Variants in RBFOX1 observed in about 807,000 individuals in gnomAD.
RBFOX1 encodes the protein RNA binding protein fox-1 homolog 1.
Under a neutral mutation model 57.7 loss-of-function variants are expected in RBFOX1, and 8 were observed. The observed-to-expected ratio is 0.14, with a 90% CI of 0.08 to 0.25. The LOEUF (loss-of-function observed/expected upper bound fraction) is 0.25, where lower values mean the gene tolerates loss of function less well. Among genes scored for constraint, RBFOX1 ranks in the 10% least tolerant of loss-of-function variants. The pLI, the probability that RBFOX1 is intolerant of heterozygous loss-of-function variation, is 1.00. For synonymous variants in RBFOX1, 326 were observed against 222.4 expected, an observed-to-expected ratio of 1.47 and a Z score of -4.15; for missense variants, 611 against 548.5, an observed-to-expected ratio of 1.11 and a Z score of -1.14.
intron 4 of RBFOX1, among the ~76,000 whole-genome samples, chr16:7,149,397 TG>T: frequency 6.6e-6 from 1 of 152,228 alleles, no homozygotes; most frequent in African/African-American, 2.4e-5. Flanking sequence ...CCATTCCCAC[TG>T]GTGAGAGACT....
At position 6,019,808 on chromosome 16, in the gene RBFOX1, C is replaced by T; in HGVS notation, c.-311C>T. The T allele has an allele frequency of 6.7e-7, 1 of 1,496,344 alleles. No homozygotes were observed. The highest frequency in any genetic ancestry group is 8.9e-7 in the Non-Finnish European group (1 of 1,122,578). The allele number at this position is 1,496,344 out of a possible 1,614,324, so 92.7% of individuals were successfully genotyped here. On this transcript the variant is annotated 5_prime_UTR_variant, in exon 1 of 16. Coordinates refer to ENST00000550418, the MANE Select transcript of RBFOX1 (RefSeq NM_018723.4). This position sits in a 1 kb window ranked among gnomAD's most constrained non-coding sequence, Gnocchi z 4.2. Reference sequence around the variant, plus strand: ...CCGCCTGTCCGGACCCTCGCCGCGCCCAGGCAGGCGCGCCAGGGCGGGGCT... The same window carrying T: ...CCGCCTGTCCGGACCCTCGCCGCGCTCAGGCAGGCGCGCCAGGGCGGGGCT...
At chr16:5,844,135 G>A (rs1434122730) in intron 3 of RBFOX1, among the ~76,000 whole-genome samples, 1 of 152,188 alleles carries the variant, frequency 6.6e-6, no homozygotes, top group Non-Finnish European at 1.5e-5. Context: ...AAAGCTTAGT[G>A]TTTTGGAGTA....
At chr16:5,593,689 T>C (rs1383100092) in intron 2 of RBFOX1, among the ~76,000 whole-genome samples, 1 of 152,082 alleles carries the variant, frequency 6.6e-6, no homozygotes, top group Non-Finnish European at 1.5e-5. Flanking sequence ...GCATGAATAA[T>C]CCATCCCTTG....
chr16:5,763,709 G>A (rs2053669141), intron 3 of RBFOX1, among the ~76,000 whole-genome samples: 1 of 152,214 alleles, frequency 6.6e-6, no homozygotes, highest in Non-Finnish European at 1.5e-5. Context: ...CCAACGATCA[G>A]CAGGTCGAGG....
At chr16:6,689,699 C>T (rs1482479926) in intron 3 of RBFOX1, among the ~76,000 whole-genome samples, 1 of 152,128 alleles carries the variant, frequency 6.6e-6, no homozygotes, top group Non-Finnish European at 1.5e-5. Flanking sequence ...GGTGACATGT[C>T]CGTCATTCAT....
intron 3 of RBFOX1, among the ~76,000 whole-genome samples, chr16:6,913,232 T>C (rs2072171532): frequency 6.6e-6 from 1 of 152,172 alleles, no homozygotes; most frequent in African/African-American, 2.4e-5. Flanking sequence ...GAAATTATTA[T>C]CTGTCCACCT....
intron 4 of RBFOX1, among the ~76,000 whole-genome samples, chr16:5,994,571 G>T (rs1240429759): frequency 1.3e-5 from 2 of 152,170 alleles, no homozygotes; most frequent in African/African-American, 4.8e-5. Flanking sequence ...GCTTGGCAAG[G>T]TTCAGAGAAT....
intron 2 of RBFOX1, among the ~76,000 whole-genome samples, chr16:6,594,784 G>A (rs372675744): frequency 6.6e-6 from 1 of 151,956 alleles, no homozygotes; most frequent in Non-Finnish European, 1.5e-5. Flanking sequence ...GTACACTTCA[G>A]TGTTTTTTGT....
At chr16:5,855,895 C>G (rs2057014216) in intron 3 of RBFOX1, among the ~76,000 whole-genome samples, 1 of 147,702 alleles carries the variant, frequency 6.8e-6, no homozygotes, top group Admixed American at 6.8e-5. Flanking sequence ...TTTCCTTCAT[C>G]AATATTTTAT....
intron 2 of RBFOX1, among the ~76,000 whole-genome samples, chr16:6,400,398 A>G (rs2093020488): frequency 6.6e-6 from 1 of 152,198 alleles, no homozygotes; most frequent in Admixed American, 6.5e-5. Context: ...AGTATTTTGG[A>G]CTGAATGATG....
intron 2 of RBFOX1, among the ~76,000 whole-genome samples, chr16:6,486,932 C>T (rs42385): frequency 2.0e-5 from 3 of 151,818 alleles, no homozygotes; most frequent in African/African-American, 4.8e-5. Flanking sequence ...GATTTAGGAT[C>T]CCTGCTGAAC....
At chr16:7,343,318 A>T (rs2096932989) in intron 4 of RBFOX1, among the ~76,000 whole-genome samples, 1 of 152,148 alleles carries the variant, frequency 6.6e-6, no homozygotes, top group Non-Finnish European at 1.5e-5. Flanking sequence ...GTTCCCCCAA[A>T]GCTGCTATGG....
intron 2 of RBFOX1, among the ~76,000 whole-genome samples, chr16:6,557,132 CATATATACAT>C (rs2097114861): frequency 7.0e-6 from 1 of 142,854 alleles, no homozygotes; most frequent in African/African-American, 2.6e-5. Flanking sequence ...CATACATATA[CATATATACAT>C]ATATACACAC....
chr16:6,193,381 ATATATATATAC>A (rs1359650470), intron 1 of RBFOX1, among the ~76,000 whole-genome samples: 9 of 60,508 alleles, frequency 1.5e-4, no homozygotes, highest in East Asian at 5.1e-4. Flanking sequence ...TATATACATT[ATATATATATAC>A]TATATATATA....
chr16:6,913,220 C>T (rs1026232069), intron 3 of RBFOX1, among the ~76,000 whole-genome samples: 9 of 151,992 alleles, frequency 5.9e-5, no homozygotes, highest in South Asian at 2.1e-4. Flanking sequence ...AACAGGGTAT[C>T]GGAAATTATT....
intron 3 of RBFOX1, among the ~76,000 whole-genome samples, chr16:6,686,690 T>G (rs1447271580): frequency 2.0e-5 from 3 of 152,182 alleles, no homozygotes; most frequent in Admixed American, 2.0e-4. Context: ...TCTTTAATGC[T>G]AAGGGAACGC....
chr16:5,542,904 A>G (rs2045020281), intron 2 of RBFOX1, among the ~76,000 whole-genome samples: 1 of 152,222 alleles, frequency 6.6e-6, no homozygotes, highest in Non-Finnish European at 1.5e-5. Context: ...AGAGCTGCTT[A>G]TAAGGATTAG....
chr16:5,447,481 C>G lies in RBFOX1; in HGVS notation c.220-19735C>G, dbSNP rs4786685. On this transcript the variant is annotated intron_variant, in intron 1 of 2. Transcript: ENST00000585867. ...TTTCAGCTCACTGCAGCCTTCACTT[C>G]ACTGCAACTGAATTCAAGTGGTTCT... is the stretch of plus-strand genomic sequence containing the variant. Among the ~76,000 whole-genome samples, 538 of 151,930 alleles carry G rather than the reference C, an allele frequency of 3.5e-3. 10 individuals are homozygous for G. In the East Asian group the frequency reaches 0.047, roughly 13 times the overall value.
intron 12 of RBFOX1, among the ~76,000 whole-genome samples, chr16:7,659,014 C>T (rs576720084): frequency 7.2e-5 from 11 of 152,296 alleles, no homozygotes; most frequent in South Asian, 2.1e-4. Context: ...CATGTGCCAC[C>T]GCCCCCTGGC....
Sources: gnomAD v4.1 joint callset for allele counts (sites outside exome capture counted in the v4.1 genomes callset) on GRCh38, gnomAD v4.1.1 for gene constraint, Gnocchi (gnomAD v3.1) non-coding constraint, MANE v1.5 for transcripts, NCBI Gene and HGNC (gene_info 2026-07-23, HGNC 2026-07-21) for gene names.